Variants in JAK3 observed in about 807,000 individuals in gnomAD.
JAK3 encodes the protein tyrosine-protein kinase JAK3.
A neutral mutation model predicts 120.8 loss-of-function variants in JAK3; 88 were observed. The ratio of observed to expected loss-of-function variants is 0.73; its 90% CI spans 0.61 to 0.87. JAK3 has a LOEUF of 0.87. Among genes scored for constraint, JAK3 ranks in the 40% least tolerant of loss-of-function variants. JAK3 has a pLI of 0.00. For synonymous variants in JAK3, 592 were observed against 628.6 expected (o/e 0.94, Z 0.87); for missense variants, 1,254 against 1,501.4 (o/e 0.84, Z 2.72).
In JAK3 at chr19:17,843,225, G is replaced by C; in HGVS notation, c.421-53C>G. ...CTGAGGCCACCCAACTTCAAGCCCT[G>C]TTGTTAACCTGCAGACCCCCCCAAT... On this transcript the variant is annotated intron_variant, in intron 4 of 23. Transcript: ENST00000458235. The surrounding 1 kb of genome is among the most constrained non-coding windows in gnomAD (Gnocchi z 5.4). 3 of 1,573,178 alleles carry C rather than the reference G, an allele frequency of 1.9e-6. No homozygotes were observed. The highest frequency in any genetic ancestry group is 2.6e-6 in the Non-Finnish European group (3 of 1,160,586).
At position 17,831,940 on chromosome 19, in the gene JAK3, C is replaced by T; in HGVS notation, c.2681-142G>A. On this transcript the variant is annotated intron_variant, in intron 19 of 23. Coordinates refer to ENST00000458235, the MANE Select transcript of JAK3 (RefSeq NM_000215.4). This position sits in a 1 kb window ranked among gnomAD's most constrained non-coding sequence, Gnocchi z 5.1. ...TGGGAACCGCAACAATGACACATTG[C>T]TAATATCTCTTGAGTACTTTCTACA... 3 of 984,564 alleles carry T rather than the reference C, an allele frequency of 3.0e-6. No individual in the cohort carries two copies. Among genetic ancestry groups the T allele is most frequent in the South Asian group, 2.7e-5 (2 of 73,014 alleles). 61.0% of individuals were successfully genotyped at this position (984,564 alleles called of 1,614,324 possible).
At chr19:17,837,294 C>T in intron 12 of JAK3, 81 bp from the exon 13 acceptor site, 1 of 1,073,052 alleles carries the variant, frequency 9.3e-7, no homozygotes, top group Non-Finnish European at 1.4e-6. Flanking sequence ...ACAGACCTGC[C>T]TTAGGGGAAC....
chr19:17,826,384 CAAAAAT>C lies in JAK3; in HGVS notation c.*353_*358del. ...TGGGTAACAGAGCGAGGCTCTGTCT[CAAAAAT>C]AAAAATAAAAATAAAAAAAATAAAA... On this transcript the variant is annotated 3_prime_UTR_variant, in exon 24 of 24. Coordinates refer to ENST00000458235, the MANE Select transcript of JAK3 (RefSeq NM_000215.4). 6.8e-6 allele frequency: 2 copies of C among 295,884 alleles called. No homozygotes were observed. The highest frequency in any genetic ancestry group is 1.3e-5 in the Non-Finnish European group (2 of 154,202). The allele number at this position is 295,884 out of a possible 1,614,324, so 18.3% of individuals were successfully genotyped here. A position where few individuals can be genotyped will look rare whatever the true frequency, so the allele number is the denominator to read the frequency against.
Position 17,831,316 on chromosome 19 carries a change from TGAC to T in JAK3, c.2887_2889del (p.Val963del). ...TTAGCTAGGCCGAAGTCAGCGATCT[TGAC>T]GTGTGCCTCGCTCTCCACGAGGATG... On this transcript the variant is annotated inframe_deletion, in exon 21 of 24. Transcript: ENST00000458235. The surrounding 1 kb of genome is among the most constrained non-coding windows in gnomAD (Gnocchi z 5.1). The T allele has an allele frequency of 6.2e-7, 1 of 1,612,554 alleles. No homozygotes were observed. The highest frequency in any genetic ancestry group is 8.5e-7 in the Non-Finnish European group (1 of 1,179,822).
At chr19:17,846,223 C>A (rs556878810) in intron 1 of JAK3, among the ~76,000 whole-genome samples, 1 of 152,106 alleles carries the variant, frequency 6.6e-6, no homozygotes, top group Non-Finnish European at 1.5e-5. Flanking sequence ...GTCTGCTGAG[C>A]GCAATCCAGG....
In JAK3 at chr19:17,831,767, G is replaced by T. The variant is rs1187805545; in HGVS notation, c.2712C>A (p.Tyr904Ter). The T allele has an allele frequency of 4.3e-6, 7 of 1,612,692 alleles. No homozygotes were observed. The highest frequency in any genetic ancestry group is 5.9e-6 in the Non-Finnish European group (7 of 1,179,888). ...GRQSLRLVME[Y>*]LPSGCLRDFL... ...AGTCGCGCAAGCAGCCGCTGGGCAG[G>T]TACTCCATGACCAGCCGCAGGCTCT... Residue 904 changes from tyrosine to a stop codon, truncating the protein, a stop_gained, in exon 20 of 24, where the codon TAC becomes TAA. Transcript: ENST00000458235. LOFTEE classifies it high-confidence loss of function. This position sits in a 1 kb window ranked among gnomAD's most constrained non-coding sequence, Gnocchi z 5.1.
In JAK3 at chr19:17,842,217, T is replaced by A. The variant is rs1203929916; in HGVS notation, c.861+99A>T. 6.2e-6 allele frequency: 8 copies of A among 1,299,670 alleles called. No individual in the cohort carries two copies. Among genetic ancestry groups the A allele is most frequent in the Admixed American group, 2.9e-5 (1 of 34,840 alleles). The allele number at this position is 1,299,670 out of a possible 1,614,324, so 80.5% of individuals were successfully genotyped here. On this transcript the variant is annotated intron_variant, in intron 6 of 23. Coordinates refer to ENST00000458235, the MANE Select transcript of JAK3 (RefSeq NM_000215.4). The surrounding 1 kb of genome is among the most constrained non-coding windows in gnomAD (Gnocchi z 6.4). ...TAAGCCTCGCCCACTTCCCCAAGTC[T>A]TTCGTTTTGGCTCCGCCCCACATCC...
At position 17,837,927 on chromosome 19, in the gene JAK3, C is replaced by A; in HGVS notation, c.1701+5G>T. The A allele has an allele frequency of 6.2e-7, 1 of 1,614,026 alleles. No homozygotes were observed. Among genetic ancestry groups the A allele is most frequent in the Non-Finnish European group, 8.5e-7 (1 of 1,179,964 alleles). On this transcript the variant is annotated splice_donor_5th_base_variant and intron_variant, in intron 12 of 23. Coordinates refer to ENST00000458235, the MANE Select transcript of JAK3 (RefSeq NM_000215.4). ...CTCCAAAAGTCTGGTCCACATTGCTCTCACCTCCATGCAGTTCTTGTGCTT... is the reference window on the plus strand; with the variant it reads ...CTCCAAAAGTCTGGTCCACATTGCTATCACCTCCATGCAGTTCTTGTGCTT...
In JAK3 at chr19:17,832,669, G is replaced by T; in HGVS notation, c.2530C>A (p.Leu844Ile). ...GSVELCRYDP[L>I]GDNTGALVAV... Reference sequence around the variant, plus strand: ...ACCAGGGCACCTGTATTGTCGCCTAGCGGGTCATAGCGGCACAGCTCCACG... The same window carrying T: ...ACCAGGGCACCTGTATTGTCGCCTATCGGGTCATAGCGGCACAGCTCCACG... Residue 844 changes from leucine (L) to isoleucine (I), a missense_variant, in exon 19 of 24, where the codon CTA (leucine) becomes ATA (isoleucine). Leu to Ile is a conservative substitution (Grantham distance 5). Transcript: ENST00000458235. This position sits in a 1 kb window ranked among gnomAD's most constrained non-coding sequence, Gnocchi z 4.7. The T allele has an allele frequency of 6.2e-7, 1 of 1,614,228 alleles. No homozygotes were observed. The highest frequency in any genetic ancestry group is 8.5e-7 in the Non-Finnish European group (1 of 1,180,042).
chr19:17,844,387 T>C lies in JAK3; in HGVS notation c.31A>G (p.Ile11Val), dbSNP rs1436664792. 1 of 1,611,950 alleles carries C rather than the reference T, an allele frequency of 6.2e-7. No individual in the cohort carries two copies. The highest frequency in any genetic ancestry group is 8.5e-7 in the Non-Finnish European group (1 of 1,179,622). MAPPSEETPL[I>V]PQRSCSLLST... Reference sequence around the variant, plus strand: ...AAGAGGCTGCATGAACGCTGAGGGATCAGGGGCGTCTCTTCACTTGGAGGT... The same window carrying C: ...AAGAGGCTGCATGAACGCTGAGGGACCAGGGGCGTCTCTTCACTTGGAGGT... The change falls in exon 2 of 24, where the codon ATC becomes GTC. Residue 11 changes from isoleucine (I) to valine (V), a missense_variant. This residue lies in a region of JAK3 where 138 missense variants were observed against 178.7 expected (regional missense o/e 0.77). Coordinates refer to ENST00000458235, the MANE Select transcript of JAK3 (RefSeq NM_000215.4).
Position 17,843,012 on chromosome 19 carries a change from C to T in JAK3, c.566+15G>A, listed in dbSNP as rs1321962917. On this transcript the variant is annotated intron_variant, in intron 5 of 23. Coordinates refer to ENST00000458235, the MANE Select transcript of JAK3 (RefSeq NM_000215.4). The surrounding 1 kb of genome is among the most constrained non-coding windows in gnomAD (Gnocchi z 5.4). Reference sequence around the variant, plus strand: ...TCCCAAGCAGAGGCCGTCCCCACAGCCTGGTGGCTCTCACCTGACAGTCTT... The same window carrying T: ...TCCCAAGCAGAGGCCGTCCCCACAGTCTGGTGGCTCTCACCTGACAGTCTT... 6.2e-7 allele frequency: 1 copy of T among 1,609,338 alleles called. No homozygotes were observed. The highest frequency in any genetic ancestry group is 8.5e-7 in the Non-Finnish European group (1 of 1,179,672).
chr19:17,845,833 T>C (rs2094250952), intron 1 of JAK3, among the ~76,000 whole-genome samples: 5 of 152,028 alleles, frequency 3.3e-5, no homozygotes, highest in Admixed American at 3.3e-4. Context: ...GGTTTTTTTG[T>C]TTTTGTTTTG....
chr19:17,825,724 AC>A lies in JAK3; in HGVS notation c.*1018del, dbSNP rs1448081028. On this transcript the variant is annotated 3_prime_UTR_variant, in exon 24 of 24. Transcript: ENST00000458235. ...AAACCATCCTGGCTAACAAGGTGAA[AC>A]CCCGTCTCTACTAAAAATACAAAAA... The A allele has an allele frequency of 5.5e-5, 9 of 163,340 alleles. No homozygotes were observed. The East Asian group carries it at 7.7e-4, about 14-fold the overall frequency. 10.1% of individuals were successfully genotyped at this position (163,340 alleles called of 1,614,324 possible).
chr19:17,838,935 C>T (rs1051989049), intron 10 of JAK3, among the ~76,000 whole-genome samples: 34 of 152,042 alleles, frequency 2.2e-4, no homozygotes, highest in Admixed American at 6.6e-5. Flanking sequence ...ACGCTGGTCT[C>T]AAACTCCTGA....
Position 17,826,477 on chromosome 19 carries a change from G to A in JAK3, c.*266C>T. On this transcript the variant is annotated 3_prime_UTR_variant, in exon 24 of 24. Transcript: ENST00000458235. ...CTTAAGGGGTTGGGAAGATGCGAGAGTCTTAAATTTGGTTCCTTGCTTCTT... is the reference window on the plus strand; with the variant it reads ...CTTAAGGGGTTGGGAAGATGCGAGAATCTTAAATTTGGTTCCTTGCTTCTT... 1 of 543,604 alleles carries A rather than the reference G, an allele frequency of 1.8e-6. No homozygotes were observed. The highest frequency in any genetic ancestry group is 2.1e-5 in the South Asian group (1 of 46,644). The allele number at this position is 543,604 out of a possible 1,614,324, so 33.7% of individuals were successfully genotyped here.
intron 1 of JAK3, among the ~76,000 whole-genome samples, chr19:17,846,729 C>T (rs1199200479): frequency 1.3e-5 from 2 of 151,994 alleles, no homozygotes; most frequent in Non-Finnish European, 2.9e-5. Flanking sequence ...GGATTACAGG[C>T]GCGCACCACA....
chr19:17,831,490 C>A lies in JAK3; in HGVS notation c.2806-90G>T. ...TGACCTGGCACCCCAACCCAGACCC[C>A]AACTATAACCCTACCCCCGAGCCAT... On this transcript the variant is annotated intron_variant, in intron 20 of 23. Coordinates refer to ENST00000458235, the MANE Select transcript of JAK3 (RefSeq NM_000215.4). The surrounding 1 kb of genome is among the most constrained non-coding windows in gnomAD (Gnocchi z 5.1). The A allele has an allele frequency of 6.4e-7, 1 of 1,559,816 alleles. No homozygotes were observed. Among genetic ancestry groups the A allele is most frequent in the East Asian group, 2.3e-5 (1 of 44,396 alleles).
chr19:17,840,906 C>G (rs1265109087), intron 8 of JAK3, among the ~76,000 whole-genome samples: 1 of 152,132 alleles, frequency 6.6e-6, no homozygotes, highest in African/African-American at 2.4e-5. Context: ...CAGCCTCCAA[C>G]TCCTGGGCTC....
rs1199706494 is a variant in JAK3 at position 17,843,348 on chromosome 19, C to A, written c.420+32G>T. The A allele has an allele frequency of 6.5e-7, 1 of 1,541,544 alleles. No individual in the cohort carries two copies. ...CTCATGTTGCCCCTTGGACCCCCAA[C>A]CCCCTGGGTCAAACCCCAGGCAGAA... is the stretch of plus-strand genomic sequence containing the variant. On this transcript the variant is annotated intron_variant, in intron 4 of 23. Transcript: ENST00000458235. This position sits in a 1 kb window ranked among gnomAD's most constrained non-coding sequence, Gnocchi z 5.4.
Sources: gnomAD v4.1 joint callset for allele counts (sites outside exome capture counted in the v4.1 genomes callset) on GRCh38, gnomAD v4.1.1 for gene constraint, gnomAD v4.1.1 regional missense constraint, Gnocchi (gnomAD v3.1) non-coding constraint, MANE v1.5 for transcripts, NCBI Gene and HGNC (gene_info 2026-07-23, HGNC 2026-07-21) for gene names.